GSG1L: variants seen among roughly 807,000 people sequenced by gnomAD.
GSG1L encodes germ cell-specific gene 1-like protein.
A neutral mutation model predicts 42.1 loss-of-function variants in GSG1L; 24 were observed. The observed-to-expected ratio is 0.57, with a 90% CI of 0.41 to 0.80. GSG1L has a LOEUF of 0.80. Ranked by LOEUF, GSG1L falls within the 30% of genes least tolerant of loss-of-function variation. GSG1L has a pLI of 0.00. For synonymous variants in GSG1L, 215 were observed against 203.5 expected (o/e 1.06, Z -0.48); for missense variants, 445 against 472.2 (o/e 0.94, Z 0.53).
chr16:28,033,767 A>T (rs969453626), intron 1 of GSG1L, among the ~76,000 whole-genome samples: 5 of 152,268 alleles, frequency 3.3e-5, no homozygotes, highest in African/African-American at 4.8e-5. Flanking sequence ...ATGCAGTAGT[A>T]TGAAGCCATT....
At chr16:27,806,271 C>T (rs1195845589) in intron 6 of GSG1L, among the ~76,000 whole-genome samples, 1 of 152,194 alleles carries the variant, frequency 6.6e-6, no homozygotes, top group Non-Finnish European at 1.5e-5. Flanking sequence ...TCCCTCTCCT[C>T]TTCTCCAACA....
intron 4 of GSG1L, among the ~76,000 whole-genome samples, chr16:27,839,867 A>G (rs2083359263): frequency 6.6e-6 from 1 of 152,228 alleles, no homozygotes. Context: ...GGCTGCATGC[A>G]GTTCACAGTA....
chr16:28,030,636 G>A (rs1360528073), intron 1 of GSG1L, among the ~76,000 whole-genome samples: 1 of 152,202 alleles, frequency 6.6e-6, no homozygotes, highest in Non-Finnish European at 1.5e-5. Flanking sequence ...GCTGGTTTGA[G>A]CTGGATTTTG....
intron 1 of GSG1L, among the ~76,000 whole-genome samples, chr16:28,016,714 C>T (rs1002088190): frequency 6.6e-6 from 1 of 152,244 alleles, no homozygotes; most frequent in Admixed American, 6.5e-5. Context: ...TGAGAACTTA[C>T]TGCATGTCGG....
At chr16:28,036,226 C>G (rs1318286566) in intron 1 of GSG1L, among the ~76,000 whole-genome samples, 1 of 152,090 alleles carries the variant, frequency 6.6e-6, no homozygotes, top group Non-Finnish European at 1.5e-5. Context: ...AGGAAGGCAC[C>G]GCTTATATAA....
chr16:27,816,188 G>A (rs577211904), intron 5 of GSG1L, among the ~76,000 whole-genome samples: 7 of 152,210 alleles, frequency 4.6e-5, no homozygotes, highest in South Asian at 2.1e-4. Flanking sequence ...TGCACTATCC[G>A]GTGCCCCCTC....
At chr16:27,807,248 C>G (rs2082975712) in intron 6 of GSG1L, among the ~76,000 whole-genome samples, 1 of 152,214 alleles carries the variant, frequency 6.6e-6, no homozygotes, top group Non-Finnish European at 1.5e-5. Context: ...CCCTGGAACT[C>G]CAGTCTCTTC....
At chr16:27,858,975 A>G (rs1161006721) in intron 3 of GSG1L, among the ~76,000 whole-genome samples, 1 of 152,120 alleles carries the variant, frequency 6.6e-6, no homozygotes, top group African/African-American at 2.4e-5. Flanking sequence ...GGAGGGAGAG[A>G]GCCCCAGATG....
intron 5 of GSG1L, among the ~76,000 whole-genome samples, chr16:27,818,097 T>C (rs1709785): frequency 0.65 from 98,129 of 152,132 alleles, 32,241 homozygotes; most frequent in African/African-American, 0.77. Flanking sequence ...CGCTGCTGGG[T>C]CCAGGCTTTG....
At chr16:27,870,502 G>A (rs1045048854) in intron 3 of GSG1L, among the ~76,000 whole-genome samples, 7 of 150,972 alleles carry the variant, frequency 4.6e-5, no homozygotes, top group African/African-American at 1.7e-4. Context: ...TGTCCCAGGG[G>A]CCTGTTCATC....
intron 2 of GSG1L, among the ~76,000 whole-genome samples, chr16:27,946,197 G>A (rs1313281384): frequency 2.6e-5 from 4 of 152,110 alleles, no homozygotes; most frequent in South Asian, 2.1e-4. Flanking sequence ...TCAGCTGCCC[G>A]GCCACTCTGG....
chr16:27,887,224 G>A (rs2032818599), intron 2 of GSG1L, among the ~76,000 whole-genome samples: 1 of 152,146 alleles, frequency 6.6e-6, no homozygotes, highest in Admixed American at 6.5e-5. Context: ...CCAAAGTGGT[G>A]GGACTACAGG....
chr16:27,793,163 T>A (rs184055474), intron 6 of GSG1L, among the ~76,000 whole-genome samples: 3 of 152,314 alleles, frequency 2.0e-5, no homozygotes, highest in Admixed American at 2.0e-4. Flanking sequence ...TCCTTGTTCC[T>A]TCTCCATCCT....
intron 1 of GSG1L, among the ~76,000 whole-genome samples, chr16:27,979,677 G>GAAAGAAAA (rs1164052567): frequency 5.1e-5 from 2 of 38,932 alleles, no homozygotes; most frequent in African/African-American, 2.4e-4. Flanking sequence ...GAGAGAGAGA[G>GAAAGAAAA]AGAAAGAAAG....
chr16:27,866,416 TCTGA>T (rs1212536053), intron 3 of GSG1L, among the ~76,000 whole-genome samples: 4 of 152,258 alleles, frequency 2.6e-5, no homozygotes, highest in East Asian at 1.9e-4. Flanking sequence ...CCACCAGTAG[TCTGA>T]CTATTATCCC....
intron 2 of GSG1L, chr16:27,888,132 T>C (rs1292435562): frequency 1.0e-6 from 1 of 985,470 alleles, no homozygotes; most frequent in African/African-American, 1.7e-5. Context: ...CCCCTCATCA[T>C]GGCGCTGCTC....
chr16:27,883,785 C>A (rs117433073), intron 3 of GSG1L, among the ~76,000 whole-genome samples: 1 of 152,204 alleles, frequency 6.6e-6, no homozygotes. Context: ...CCCCTGATGA[C>A]CTGAATCTGC....
At chr16:27,820,229 G>T (rs911027083) in intron 5 of GSG1L, among the ~76,000 whole-genome samples, 1 of 152,208 alleles carries the variant, frequency 6.6e-6, no homozygotes, top group African/African-American at 2.4e-5. Context: ...GTGGGGCGGA[G>T]CGGGTTCTTC....
chr16:27,960,284 A>AT (rs145443449), intron 2 of GSG1L, among the ~76,000 whole-genome samples: 23,701 of 152,026 alleles, frequency 0.16, 2,396 homozygotes, highest in Non-Finnish European at 0.23. Context: ...CAGTTCCCCC[A>AT]TTTTCCAGCC....
Sources: gnomAD v4.1 joint callset for allele counts (sites outside exome capture counted in the v4.1 genomes callset) on GRCh38, gnomAD v4.1.1 for gene constraint, MANE v1.5 for transcripts, NCBI Gene and HGNC (gene_info 2026-07-23, HGNC 2026-07-21) for gene names.